The following CYB5R3 variants were observed in gnomAD, a reference collection of about 807,000 sequenced individuals.
The protein encoded by CYB5R3 is cytochrome b5 reductase 3.
A neutral mutation model predicts 36.5 loss-of-function variants in CYB5R3; 28 were observed. The ratio of observed to expected loss-of-function variants is 0.77; its 90% confidence interval spans 0.57 to 1.05. The LOEUF (loss-of-function observed/expected upper bound fraction) is 1.05. Among genes scored for constraint, CYB5R3 ranks in the 50% least tolerant of loss-of-function variants. The pLI, the probability that CYB5R3 is intolerant of heterozygous loss-of-function variation, is 0.00. For missense variants in CYB5R3, 474 were observed against 408.9 expected, an observed-to-expected ratio of 1.16 and a Z score of -1.37; for synonymous variants, 181 against 159.8, an observed-to-expected ratio of 1.13 and a Z score of -1.00.
chr22:42,620,239 T>A (rs953139346), intron 8 of CYB5R3, among the ~76,000 whole-genome samples: 1 of 152,116 alleles, frequency 6.6e-6, no homozygotes, highest in Non-Finnish European at 1.5e-5. Context: ...ACCCAGTGGG[T>A]GGACAGGGCG....
intron 1 of CYB5R3, among the ~76,000 whole-genome samples, chr22:42,637,871 C>T (rs938526181): frequency 3.9e-5 from 6 of 152,202 alleles, no homozygotes; most frequent in Non-Finnish European, 5.9e-5. Flanking sequence ...GCTGGGATAC[C>T]TCATGACCAA....
intron 1 of CYB5R3, among the ~76,000 whole-genome samples, chr22:42,647,326 G>C (rs954370702): frequency 6.6e-6 from 1 of 152,180 alleles, no homozygotes; most frequent in African/African-American, 2.4e-5. Context: ...AGAAATATAT[G>C]GAATGAGGCC....
chr22:42,635,271 A>G (rs1053160577), intron 2 of CYB5R3, among the ~76,000 whole-genome samples: 1 of 151,240 alleles, frequency 6.6e-6, no homozygotes, highest in Admixed American at 6.6e-5. Context: ...CGCCCGGCCA[A>G]TTTTTTGTAT....
intron 1 of CYB5R3, among the ~76,000 whole-genome samples, chr22:42,644,051 C>T (rs889125499): frequency 3.9e-5 from 6 of 152,062 alleles, no homozygotes; most frequent in African/African-American, 1.4e-4. Flanking sequence ...CTCCAAGCAT[C>T]GCTCACCACA....
At position 42,623,827 on chromosome 22, in the gene CYB5R3, C is replaced by A. The variant is rs547268043; in HGVS notation, c.695G>T (p.Arg232Leu). 2 of 1,614,190 alleles carry A rather than the reference C, an allele frequency of 1.2e-6. No homozygotes were observed. Among genetic ancestry groups the A allele is most frequent in the Non-Finnish European group, 1.7e-6 (2 of 1,180,012 alleles). The change falls in exon 8 of 9, where the codon CGC becomes CTC. Residue 232 changes from arginine to leucine, a missense_variant. Coordinates refer to ENST00000352397, the MANE Select transcript of CYB5R3 (RefSeq NM_000398.7). ...GTCCAGCGTGTACCAGAGCTTGAAG[C>A]GTGCAGAATGTTTGTTCCTGAGTTC... Reference protein sequence around the residue: ...LEELRNKHSARFKLWYTLDRA... With the variant: ...LEELRNKHSALFKLWYTLDRA...
Position 42,636,903 on chromosome 22 carries a change from C to T in CYB5R3, c.22-57G>A, listed in dbSNP as rs186467182. The T allele has an allele frequency of 3.4e-5, 54 of 1,591,150 alleles. 1 individual carries two copies. The highest frequency in any genetic ancestry group is 2.4e-4 in the African/African-American group (18 of 74,514). ...GGAGCCTGCCTTTCCCCAAACACAC[C>T]GGCTTGTCCACACTACCAGGCCTCT... On this transcript the variant is annotated intron_variant, in intron 1 of 8. Transcript: ENST00000352397.
At chr22:42,623,352 C>T (rs1281278795) in intron 8 of CYB5R3, among the ~76,000 whole-genome samples, 1 of 152,184 alleles carries the variant, frequency 6.6e-6, no homozygotes, top group Non-Finnish European at 1.5e-5. Flanking sequence ...CCAACGTCGG[C>T]CCAGCCCACT....
chr22:42,645,923 G>A (rs8190393), intron 1 of CYB5R3, among the ~76,000 whole-genome samples: 45,397 of 151,934 alleles, frequency 0.3, 7,024 homozygotes, highest in East Asian at 0.58. Context: ...AGGAGGCCCC[G>A]CCCGAGTTCA....
intron 4 of CYB5R3, among the ~76,000 whole-genome samples, chr22:42,628,688 T>G (rs961904538): frequency 1.3e-5 from 2 of 152,224 alleles, no homozygotes; most frequent in Non-Finnish European, 2.9e-5. Flanking sequence ...TTCCGTTTTG[T>G]GCTGTCGCTA....
rs755237275 is a variant in CYB5R3 at position 42,627,659 on chromosome 22, A to AC, written c.492dup (p.Ser165ValfsTer35). 6.2e-7 allele frequency: 1 copy of AC among 1,614,076 alleles called. No homozygotes were observed. Among genetic ancestry groups the AC allele is most frequent in the East Asian group, 2.2e-5 (1 of 44,876 alleles). ...TTCACTGTCCTGATGATAGGGTTGG[A>AC]CTTTTTGTCAGGTCGGATGGCGAAC... is the stretch of plus-strand genomic sequence containing the variant. On this transcript the variant is annotated frameshift_variant, in exon 6 of 9. Coordinates refer to ENST00000352397, the MANE Select transcript of CYB5R3 (RefSeq NM_000398.7). LOFTEE classifies it high-confidence loss of function.
chr22:42,634,031 CAT>C (rs1052158890), intron 2 of CYB5R3, among the ~76,000 whole-genome samples: 8 of 152,002 alleles, frequency 5.3e-5, no homozygotes, highest in African/African-American at 9.7e-5. Context: ...AAGAAAAAAA[CAT>C]GTGTGCCTGC....
At chr22:42,638,596 G>C (rs6002839) in intron 1 of CYB5R3, among the ~76,000 whole-genome samples, 90,658 of 146,658 alleles carry the variant, frequency 0.62, 28,296 homozygotes, top group East Asian at 0.87. Flanking sequence ...GAATCCCTGG[G>C]CGGGCACAGT....
chr22:42,631,063 C>A lies in CYB5R3; in HGVS notation c.227-75G>T. On this transcript the variant is annotated intron_variant, in intron 3 of 8. Coordinates refer to ENST00000352397, the MANE Select transcript of CYB5R3 (RefSeq NM_000398.7). ...ACCCCTGGGTCTTGTCAACCCACTCCCCTGCACCCCACCCGGCATTCAAAG... is the reference window on the plus strand; with the variant it reads ...ACCCCTGGGTCTTGTCAACCCACTCACCTGCACCCCACCCGGCATTCAAAG... The A allele has an allele frequency of 1.6e-6, 2 of 1,289,458 alleles. 1 individual carries two copies. Among genetic ancestry groups the A allele is most frequent in the South Asian group, 2.5e-5 (2 of 80,476 alleles). The allele number at this position is 1,289,458 out of a possible 1,614,324, so 79.9% of individuals were successfully genotyped here. A position where few individuals can be genotyped will look rare whatever the true frequency, so the allele number is the denominator to read the frequency against.
At chr22:42,624,000 G>A (rs776916447) in intron 7 of CYB5R3, 112 bp from the exon 8 acceptor site, 18 of 863,870 alleles carry the variant, frequency 2.1e-5, no homozygotes, top group South Asian at 8.3e-5. Context: ...ACACGCTTGC[G>A]GAGCTTTCAG....
rs1351366926 is a variant in CYB5R3 at position 42,627,639 on chromosome 22, T to C, written c.513A>G (p.Thr171=). The C allele has an allele frequency of 1.9e-6, 3 of 1,614,204 alleles. No homozygotes were observed. Among genetic ancestry groups the C allele is most frequent in the Middle Eastern group, 1.6e-4 (1 of 6,062 alleles). The change falls in exon 6 of 9, where the codon ACA becomes ACG. Residue 171 remains threonine, a synonymous_variant. Transcript: ENST00000352397. ...CCGCGATCATGCCCACAGACTTCAC[T>C]GTCCTGATGATAGGGTTGGACTTTT... The part of the protein sequence containing the change: ...PDKKSNPIIR[T]VKSVGMIAGG...
chr22:42,631,067 G>T, intron 3 of CYB5R3, 79 bp from the exon 4 acceptor site: 1 of 1,268,954 alleles, frequency 7.9e-7, no homozygotes, highest in Non-Finnish European at 1.1e-6. Context: ...CCACTCCCCT[G>T]CACCCCACCC....
At chr22:42,636,683 C>T (rs758940212) in intron 2 of CYB5R3, 32 bp downstream of exon 2, 1 of 1,605,644 alleles carries the variant, frequency 6.2e-7, no homozygotes, top group East Asian at 2.2e-5. Flanking sequence ...TGCTGTGATG[C>T]TGACGAGGCA....
Position 42,627,459 on chromosome 22 carries a change from T to G in CYB5R3, c.548-70A>C. On this transcript the variant is annotated intron_variant, in intron 6 of 8. Coordinates refer to ENST00000352397, the MANE Select transcript of CYB5R3 (RefSeq NM_000398.7). ...GTTCACAGGCACCGCCCCGCCCAGG[T>G]GTACTGGGGTGGAGGGGCCAGGACC... 3 of 1,529,648 alleles carry G rather than the reference T, an allele frequency of 2.0e-6. No individual in the cohort carries two copies. The South Asian group carries it at 3.4e-5, about 17-fold the overall frequency. 94.8% of individuals were successfully genotyped at this position (1,529,648 alleles called of 1,614,324 possible).
chr22:42,632,284 A>G (rs1259782888), intron 2 of CYB5R3: 1 of 152,322 alleles, frequency 6.6e-6, no homozygotes, highest in Non-Finnish European at 1.5e-5. Context: ...AGTGTGAAGA[A>G]GCCATGCGGA....
Sources: gnomAD v4.1 joint callset for allele counts (sites outside exome capture counted in the v4.1 genomes callset) on GRCh38, gnomAD v4.1.1 for gene constraint, MANE v1.5 for transcripts, NCBI Gene and HGNC (gene_info 2026-07-23, HGNC 2026-07-21) for gene names.